MYH10: variants seen among roughly 807,000 people sequenced by gnomAD.
The protein encoded by MYH10 is myosin-10.
A neutral mutation model predicts 257.8 loss-of-function variants in MYH10; 55 were observed. The ratio of observed to expected loss-of-function variants is 0.21; its 90% confidence interval spans 0.17 to 0.27. The LOEUF (loss-of-function observed/expected upper bound fraction) is 0.27, where lower values mean the gene tolerates loss of function less well. MYH10 is among the 10% of genes least tolerant of loss of function. The probability of loss-of-function intolerance (pLI) is 1.00; values close to 1 mark genes in which losing one functional copy is unlikely to be tolerated. For synonymous variants in MYH10, 854 were observed against 921.7 expected (o/e 0.93, Z 1.33); for missense variants, 1,631 against 2,500.6 (o/e 0.65, Z 7.42).
chr17:8,545,388 A>AT lies in MYH10; in HGVS notation c.1431+59dup. 3 of 1,581,394 alleles carry AT rather than the reference A, an allele frequency of 1.9e-6. No homozygotes were observed. Among genetic ancestry groups the AT allele is most frequent in the Non-Finnish European group, 2.6e-6 (3 of 1,155,478 alleles). ...TGTACTGGGCACACAGTAAGCCTTC[A>AT]TATTTGTTAAAAGAACAAACAAAAA... On this transcript the variant is annotated intron_variant, in intron 13 of 42. Transcript: ENST00000360416. This position sits in a 1 kb window ranked among gnomAD's most constrained non-coding sequence, Gnocchi z 4.7.
intron 21 of MYH10, among the ~76,000 whole-genome samples, chr17:8,515,819 C>G (rs148677202): frequency 2.6e-5 from 4 of 152,150 alleles, no homozygotes; most frequent in Non-Finnish European, 5.9e-5. Flanking sequence ...GCTGGAATTA[C>G]AGGTGTGAGC....
At chr17:8,556,219 C>CA (rs1200290585) in intron 7 of MYH10, among the ~76,000 whole-genome samples, 12 of 152,334 alleles carry the variant, frequency 7.9e-5, no homozygotes, top group African/African-American at 2.4e-4. Context: ...TTTCTCACGG[C>CA]GTCAAACACA....
chr17:8,529,023 A>G (rs1329770687), intron 17 of MYH10, among the ~76,000 whole-genome samples: 1 of 152,194 alleles, frequency 6.6e-6, no homozygotes, highest in Non-Finnish European at 1.5e-5. Flanking sequence ...AGTGAGGGGA[A>G]TGAGCCACCC....
At chr17:8,611,763 C>G (rs1000100416) in intron 2 of MYH10, among the ~76,000 whole-genome samples, 14 of 151,936 alleles carry the variant, frequency 9.2e-5, no homozygotes, top group Non-Finnish European at 1.8e-4. Flanking sequence ...CCAGATGGGA[C>G]GAGGTGAAAC....
intron 35 of MYH10, 62 bp from the exon 36 acceptor site, chr17:8,487,656 A>T: frequency 6.3e-7 from 1 of 1,589,828 alleles, no homozygotes; most frequent in East Asian, 2.2e-5. Context: ...GAACAGGCAG[A>T]CTGTTCTCAA....
At chr17:8,489,708 A>AAAACACACACACACACAC (rs1555570828) in intron 35 of MYH10, among the ~76,000 whole-genome samples, 14 of 93,084 alleles carry the variant, frequency 1.5e-4, no homozygotes, top group African/African-American at 4.8e-4. Context: ...CGTCTGAAAA[A>AAAACACACACACACACAC]ACACACACAC....
At chr17:8,523,119 T>G (rs1324659453) in intron 17 of MYH10, among the ~76,000 whole-genome samples, 1 of 152,164 alleles carries the variant, frequency 6.6e-6, no homozygotes, top group Non-Finnish European at 1.5e-5. Flanking sequence ...CAAGCCATAT[T>G]CCCAACCCAG....
At chr17:8,556,894 T>G (rs1416864799) in intron 7 of MYH10, among the ~76,000 whole-genome samples, 1 of 152,242 alleles carries the variant, frequency 6.6e-6, no homozygotes, top group Non-Finnish European at 1.5e-5. Context: ...CATTCGGATC[T>G]GTGAAGCATT....
intron 4 of MYH10, among the ~76,000 whole-genome samples, chr17:8,586,632 C>T (rs566231281): frequency 1.5e-3 from 225 of 152,274 alleles, no homozygotes; most frequent in Non-Finnish European, 2.7e-3. Context: ...AGAAGACTTA[C>T]CTCATAAATC....
chr17:8,479,879 G>A (rs756854320), intron 40 of MYH10, among the ~76,000 whole-genome samples: 5 of 152,166 alleles, frequency 3.3e-5, no homozygotes, highest in South Asian at 2.1e-4. Context: ...ATCACGGGGC[G>A]CCGTCCTAAA....
intron 28 of MYH10, among the ~76,000 whole-genome samples, chr17:8,502,982 T>G (rs564220827): frequency 6.6e-6 from 1 of 152,210 alleles, no homozygotes; most frequent in Admixed American, 6.5e-5. Context: ...AAGCAGTTAC[T>G]CTGCTGAAGT....
chr17:8,580,395 T>C (rs2083658482), intron 4 of MYH10, among the ~76,000 whole-genome samples: 1 of 150,924 alleles, frequency 6.6e-6, no homozygotes, highest in Non-Finnish European at 1.5e-5. Context: ...TCAATATTCA[T>C]CTTATTTTTT....
Position 8,513,582 on chromosome 17 carries a change from T to C in MYH10, c.2701A>G (p.Lys901Glu). Residue 901 changes from lysine (K) to glutamate (E), a missense_variant, in exon 23 of 43, where the codon AAG (lysine) becomes GAG (glutamate). This residue lies in a region of MYH10 where 116 missense variants were observed against 221.6 expected (regional missense o/e 0.52). Coordinates refer to ENST00000360416, the MANE Select transcript of MYH10 (RefSeq NM_001256012.3). The part of the protein sequence containing the change: ...ELLKVKEKQT[K>E]VEGELEEMER... The stretch of plus-strand genomic sequence containing the variant: ...ATCTCCTCCAGCTCTCCTTCCACCT[T>C]CGTCTGCTTCTCCTTCACCTTCAAC... 6.2e-7 allele frequency: 1 copy of C among 1,614,148 alleles called. No homozygotes were observed.
chr17:8,478,333 C>T lies in MYH10; in HGVS notation c.5706+5G>A, dbSNP rs112022147. 2.6e-4 allele frequency: 426 copies of T among 1,613,348 alleles called. No homozygotes were observed. The African/African-American group carries it at 3.3e-3, about 12-fold the overall frequency. ...CGCTTCCCAGGGAGGCACTTCCTCG[C>T]GTACCTGCTCTTTATACTGGTCCGC... On this transcript the variant is annotated splice_donor_5th_base_variant and intron_variant, in intron 41 of 42. Coordinates refer to ENST00000360416, the MANE Select transcript of MYH10 (RefSeq NM_001256012.3).
intron 7 of MYH10, chr17:8,561,538 G>A (rs1845588): frequency 0.56 from 740,684 of 1,333,352 alleles, 210,577 homozygotes; most frequent in Middle Eastern, 0.59. Flanking sequence ...ATTTAGACCT[G>A]CGGGTGCTGC....
chr17:8,510,101 C>T (rs921348064), intron 24 of MYH10, 152 bp from the exon 25 acceptor site: 22 of 735,284 alleles, frequency 3.0e-5, no homozygotes, highest in Non-Finnish European at 4.1e-5. Flanking sequence ...TGCAGTGGTG[C>T]CACCTCGGCT....
chr17:8,476,087 C>A (rs142308366), intron 42 of MYH10, 139 bp from the exon 43 acceptor site: 2 of 1,005,858 alleles, frequency 2.0e-6, no homozygotes, highest in African/African-American at 3.3e-5. Flanking sequence ...GGTGGCGGTA[C>A]GATGGGGAAG....
chr17:8,550,297 G>A (rs943140559), intron 9 of MYH10, among the ~76,000 whole-genome samples: 1 of 151,750 alleles, frequency 6.6e-6, no homozygotes, highest in Non-Finnish European at 1.5e-5. Context: ...GTCTCTGCCC[G>A]GCCGCCCATC....
intron 42 of MYH10, 33 bp from the exon 43 acceptor site, chr17:8,475,981 A>C (rs543386063): frequency 1.9e-6 from 3 of 1,599,940 alleles, no homozygotes; most frequent in African/African-American, 2.7e-5. Flanking sequence ...GTGTGTGGGT[A>C]AACAGACAGG....
Sources: allele counts gnomAD v4.1 joint callset (sites outside exome capture counted in the v4.1 genomes callset), GRCh38; gene constraint gnomAD v4.1.1; regional missense constraint gnomAD v4.1.1; non-coding constraint Gnocchi (gnomAD v3.1); transcripts MANE v1.5; gene names NCBI Gene and HGNC (gene_info 2026-07-23, HGNC 2026-07-21).